The following COG4 variants were observed in gnomAD, a reference collection of about 807,000 sequenced individuals.
COG4 encodes component of oligomeric golgi complex 4.
Under a neutral mutation model 95.1 loss-of-function variants are expected in COG4, and 65 were observed. That is an observed-to-expected ratio of 0.68 (90% confidence interval 0.56 to 0.84). COG4 has a LOEUF of 0.84. Ranked by LOEUF, COG4 falls within the 40% of genes least tolerant of loss-of-function variation. The pLI, the probability that COG4 is intolerant of heterozygous loss-of-function variation, is 0.00. For missense variants in COG4, 1,045 were observed against 989.1 expected, an observed-to-expected ratio of 1.06 and a Z score of -0.76; for synonymous variants, 421 against 374.8, an observed-to-expected ratio of 1.12 and a Z score of -1.42.
chr16:70,519,795 C>T, intron 1 of COG4, 64 bp from the exon 2 acceptor site: 1 of 1,198,278 alleles, frequency 8.3e-7, no homozygotes. Flanking sequence ...GTTATCTAAT[C>T]CAATCACTTA....
chr16:70,486,911 C>G (rs2049148255), intron 13 of COG4, among the ~76,000 whole-genome samples: 1 of 151,848 alleles, frequency 6.6e-6, no homozygotes, highest in African/African-American at 2.4e-5. Context: ...AGGAGAATCG[C>G]TTGAATCCGG....
In COG4 at chr16:70,505,479, G is replaced by A. The variant is rs551487279; in HGVS notation, c.1061+2927C>T. On this transcript the variant is annotated intron_variant, in intron 8 of 18. Transcript: ENST00000323786. ...GGGCTCCCAAAGTGCTAGGATTACA[G>A]GCGTGAGCCACCGCACCCACTGGAT... is the stretch of plus-strand genomic sequence containing the variant. Among the ~76,000 whole-genome samples, 48 of 150,904 alleles carry A rather than the reference G, an allele frequency of 3.2e-4. No homozygotes were observed. The South Asian group carries it at 4.2e-3, about 13-fold the overall frequency.
chr16:70,506,618 C>CAAAAAAAAA (rs1212409898), intron 8 of COG4, among the ~76,000 whole-genome samples: 2 of 59,910 alleles, frequency 3.3e-5, no homozygotes, highest in Admixed American at 2.9e-4. Flanking sequence ...AAAAAAAAAA[C>CAAAAAAAAA]AAAAAAAAAA....
chr16:70,483,015 C>T (rs563522103), intron 14 of COG4, among the ~76,000 whole-genome samples, 194 bp from the exon 15 acceptor site: 2 of 106,416 alleles, frequency 1.9e-5, no homozygotes, highest in African/African-American at 7.3e-5. Context: ...CCTACCCCTT[C>T]CCTCTCCTCT....
intron 1 of COG4, among the ~76,000 whole-genome samples, chr16:70,521,525 T>A (rs1023854996): frequency 3.9e-5 from 6 of 152,054 alleles, no homozygotes; most frequent in African/African-American, 1.4e-4. Flanking sequence ...CCCGGCCATA[T>A]ACATTTTTAT....
chr16:70,515,708 A>AATC (rs541420494), intron 3 of COG4, among the ~76,000 whole-genome samples: 17,921 of 151,768 alleles, frequency 0.12, 3,501 homozygotes, highest in African/African-American at 0.41. Flanking sequence ...ATCAATCAAT[A>AATC]AATAAATAAA....
At chr16:70,515,917 C>T (rs1178148750) in intron 3 of COG4, 4 of 444,628 alleles carry the variant, frequency 9.0e-6, no homozygotes, top group Non-Finnish European at 1.4e-5. Context: ...GATCCTACTG[C>T]TTTGGTCTCC....
intron 8 of COG4, among the ~76,000 whole-genome samples, chr16:70,503,762 T>A (rs554997752): frequency 7.2e-6 from 1 of 138,354 alleles, no homozygotes; most frequent in South Asian, 2.1e-4. Context: ...GCCCGGCTAA[T>A]TTTTTGTATT....
intron 5 of COG4, 61 bp downstream of exon 5, chr16:70,512,178 G>A (rs1397527945): frequency 1.3e-6 from 2 of 1,485,300 alleles, no homozygotes; most frequent in Non-Finnish European, 1.9e-6. Context: ...GATCCATCCA[G>A]TGCCCCAATC....
Position 70,481,847 on chromosome 16 carries a change from T to C in COG4, c.2023A>G (p.Ile675Val), listed in dbSNP as rs960917890. 8.1e-6 allele frequency: 13 copies of C among 1,613,768 alleles called. No individual in the cohort carries two copies. The highest frequency in any genetic ancestry group is 2.2e-5 in the South Asian group (2 of 91,030). ...AEFKASLSPV[I>V]YDSLTGLMTS... is the part of the protein sequence containing the mutation. ...ATGAGGCCGGTTAGGCTGTCGTAGA[T>C]GACCGGGGACAGGCTGGCCTGCACA... The change falls in exon 17 of 19, where the codon ATC becomes GTC. Residue 675 changes from isoleucine to valine, a missense_variant. Physicochemically the swap from Ile to Val is conservative, Grantham distance 29 (BLOSUM62 3). Transcript: ENST00000323786.
intron 8 of COG4, among the ~76,000 whole-genome samples, chr16:70,503,131 G>A (rs1342800928): frequency 3.3e-5 from 5 of 152,042 alleles, no homozygotes; most frequent in African/African-American, 1.2e-4. Flanking sequence ...GCTCACTGCA[G>A]GCTCAGCTTC....
chr16:70,485,530 AT>A (rs1398733751), intron 13 of COG4, among the ~76,000 whole-genome samples: 2 of 149,934 alleles, frequency 1.3e-5, no homozygotes, highest in African/African-American at 4.9e-5. Context: ...ACATAGATAA[AT>A]CATGGAGCTG....
chr16:70,514,358 T>A lies in COG4; in HGVS notation c.521A>T (p.Glu174Val). The change falls in exon 4 of 19, where the codon GAG becomes GTG. Residue 174 changes from glutamate to valine, a missense_variant. By Grantham distance (121) the Glu-to-Val change is moderately radical. Transcript: ENST00000323786. ...RYLCLDKSVI[E>V]LSRQGKEGSM... ...ACCCTCTTTGCCCTGTCGGCTGAGC[T>A]CAATGACCGACTTGTCCAGGCACAA... 1 of 1,614,182 alleles carries A rather than the reference T, an allele frequency of 6.2e-7. No individual in the cohort carries two copies. The highest frequency in any genetic ancestry group is 1.1e-5 in the South Asian group (1 of 91,080).
intron 13 of COG4, among the ~76,000 whole-genome samples, chr16:70,486,160 G>C (rs987411205): frequency 1.3e-5 from 2 of 152,206 alleles, no homozygotes; most frequent in Admixed American, 1.3e-4. Context: ...CTCCCAAAGT[G>C]CTAGGATTAC....
chr16:70,510,767 CTTTTTTT>C (rs766994398), intron 5 of COG4, among the ~76,000 whole-genome samples: 1 of 140,972 alleles, frequency 7.1e-6, no homozygotes, highest in Non-Finnish European at 1.6e-5. Flanking sequence ...AGCAGGTTTC[CTTTTTTT>C]TTTTTTTTGA....
chr16:70,508,188 G>A (rs2049619304), intron 8 of COG4, among the ~76,000 whole-genome samples: 1 of 152,030 alleles, frequency 6.6e-6, no homozygotes, highest in African/African-American at 2.4e-5. Flanking sequence ...CAAAGTGCTG[G>A]GATTACAGGT....
Position 70,496,250 on chromosome 16 carries a change from G to A in COG4, c.1647+16C>T. Reference sequence around the variant, plus strand: ...CGAGATAAACCAACCCAGCTCGTGAGCTGTGGGGTACCTACCAGGAAGGAC... The same window carrying A: ...CGAGATAAACCAACCCAGCTCGTGAACTGTGGGGTACCTACCAGGAAGGAC... On this transcript the variant is annotated intron_variant, in intron 12 of 18. Coordinates refer to ENST00000323786, the MANE Select transcript of COG4 (RefSeq NM_015386.3). The A allele has an allele frequency of 6.2e-7, 1 of 1,614,098 alleles. No homozygotes were observed. The highest frequency in any genetic ancestry group is 8.5e-7 in the Non-Finnish European group (1 of 1,179,944).
chr16:70,482,844 C>CA, intron 14 of COG4, 23 bp from the exon 15 acceptor site: 1 of 1,592,984 alleles, frequency 6.3e-7, no homozygotes, highest in Non-Finnish European at 8.6e-7. Context: ...AAGGTGGAGA[C>CA]ATGTGACACA....
intron 12 of COG4, 66 bp from the exon 13 acceptor site, chr16:70,490,458 G>T: frequency 7.8e-7 from 1 of 1,289,960 alleles, no homozygotes; most frequent in Non-Finnish European, 1.1e-6. Flanking sequence ...TCCAATGCCA[G>T]ACTGGCTGAC....
Sources: gnomAD v4.1 joint callset for allele counts (sites outside exome capture counted in the v4.1 genomes callset) on GRCh38, gnomAD v4.1.1 for gene constraint, MANE v1.5 for transcripts, NCBI Gene and HGNC (gene_info 2026-07-23, HGNC 2026-07-21) for gene names.